SLC44A5: variants seen among roughly 807,000 people sequenced by gnomAD.
SLC44A5 encodes choline transporter-like protein 5.
Under a neutral mutation model 101.8 loss-of-function variants are expected in SLC44A5, and 57 were observed. The ratio of observed to expected loss-of-function variants is 0.56; its 90% CI spans 0.45 to 0.70. The LOEUF is 0.70. Among genes scored for constraint, SLC44A5 ranks in the 30% least tolerant of loss-of-function variants. The probability of loss-of-function intolerance (pLI) is 0.00; values close to 1 mark genes in which losing one functional copy is unlikely to be tolerated. For synonymous variants in SLC44A5, 281 were observed against 290.9 expected (o/e 0.97, Z 0.35); for missense variants, 737 against 853.1 (o/e 0.86, Z 1.70).
At chr1:75,350,730 T>C (rs780931989) in intron 3 of SLC44A5, among the ~76,000 whole-genome samples, 2 of 151,212 alleles carry the variant, frequency 1.3e-5, no homozygotes, top group Non-Finnish European at 3.0e-5. Flanking sequence ...CTGTCTTTAC[T>C]AAAGACACAA....
chr1:75,518,307 A>G (rs933090542), intron 2 of SLC44A5, among the ~76,000 whole-genome samples: 2 of 152,244 alleles, frequency 1.3e-5, no homozygotes, highest in African/African-American at 2.4e-5. Flanking sequence ...TTTTAAGAAT[A>G]CAGTTCCAAT....
chr1:75,385,323 A>G (rs1661233666), intron 3 of SLC44A5, among the ~76,000 whole-genome samples: 1 of 149,272 alleles, frequency 6.7e-6, no homozygotes, highest in Non-Finnish European at 1.5e-5. Context: ...AGACTAATAA[A>G]GAAAAAAAGA....
chr1:75,356,701 C>G (rs569390896), intron 3 of SLC44A5, among the ~76,000 whole-genome samples: 7 of 152,274 alleles, frequency 4.6e-5, no homozygotes, highest in African/African-American at 1.4e-4. Context: ...CACTCACTGA[C>G]TCACTCAAAG....
chr1:75,701,051 G>A, the SLC44A5 span, among the ~76,000 whole-genome samples: 1 of 152,156 alleles, frequency 6.6e-6, no homozygotes, highest in African/African-American at 2.4e-5. Context: ...GGACCAGATG[G>A]ATTCACAGCC....
chr1:75,356,619 C>T (rs1659099700), intron 3 of SLC44A5, among the ~76,000 whole-genome samples: 2 of 151,926 alleles, frequency 1.3e-5, no homozygotes. Context: ...TTAGTGTAAA[C>T]TAAATACACA....
At chr1:75,251,868 G>T (rs1234793874) in intron 6 of SLC44A5, among the ~76,000 whole-genome samples, 1 of 152,182 alleles carries the variant, frequency 6.6e-6, no homozygotes, top group African/African-American at 2.4e-5. Flanking sequence ...GAAGCAGGTT[G>T]ATATTCATTA....
chr1:75,604,715 G>A (rs777784676), intron 1 of SLC44A5, among the ~76,000 whole-genome samples: 1 of 151,570 alleles, frequency 6.6e-6, no homozygotes, highest in Non-Finnish European at 1.5e-5. Flanking sequence ...AGTTTTCTTT[G>A]TAGAGACCTT....
chr1:75,606,408 A>C (rs1675328017), intron 1 of SLC44A5, among the ~76,000 whole-genome samples: 1 of 152,034 alleles, frequency 6.6e-6, no homozygotes, highest in Middle Eastern at 3.2e-3. Flanking sequence ...AAAAGCACCC[A>C]AAATTTAAAA....
intron 7 of SLC44A5, among the ~76,000 whole-genome samples, chr1:75,249,094 A>G (rs1385036542): frequency 6.6e-6 from 1 of 152,094 alleles, no homozygotes; most frequent in Non-Finnish European, 1.5e-5. Flanking sequence ...GGAAAGGTCA[A>G]GGGTTTGCCC....
At chr1:75,297,794 T>C (rs1236158934) in intron 5 of SLC44A5, among the ~76,000 whole-genome samples, 1 of 152,194 alleles carries the variant, frequency 6.6e-6, no homozygotes, top group Non-Finnish European at 1.5e-5. Flanking sequence ...ATTTGATTAC[T>C]TCTACCCAGA....
intron 13 of SLC44A5, among the ~76,000 whole-genome samples, chr1:75,226,590 T>C (rs1042545348): frequency 6.6e-6 from 1 of 152,132 alleles, no homozygotes; most frequent in African/African-American, 2.4e-5. Flanking sequence ...TTCAAATTGA[T>C]GGGAATGGGA....
chr1:75,495,606 C>T (rs1668629332), intron 2 of SLC44A5, among the ~76,000 whole-genome samples: 1 of 151,290 alleles, frequency 6.6e-6, no homozygotes, highest in Non-Finnish European at 1.5e-5. Flanking sequence ...TGAAAAATTT[C>T]AATACAAGGG....
At chr1:75,286,646 C>G (rs1243810061) in intron 5 of SLC44A5, among the ~76,000 whole-genome samples, 2 of 152,078 alleles carry the variant, frequency 1.3e-5, no homozygotes, top group Non-Finnish European at 2.9e-5. Flanking sequence ...CTCCTTTGAG[C>G]AGTTCTTGTC....
At chr1:75,506,907 C>CT (rs61554987) in intron 2 of SLC44A5, among the ~76,000 whole-genome samples, 10,016 of 68,864 alleles carry the variant, frequency 0.15, 1,741 homozygotes, top group Middle Eastern at 0.26. Context: ...TATTCCTATT[C>CT]TTTTTTTTTT....
intron 2 of SLC44A5, among the ~76,000 whole-genome samples, chr1:75,500,858 T>G (rs1017414256): frequency 1.1e-4 from 16 of 152,198 alleles, no homozygotes. Context: ...GAGTCTAGTC[T>G]TGAATGCCAA....
chr1:75,456,880 C>T (rs17096926), intron 2 of SLC44A5, among the ~76,000 whole-genome samples: 35,591 of 152,170 alleles, frequency 0.23, 4,289 homozygotes, highest in African/African-American at 0.26. Flanking sequence ...TAAATAACAT[C>T]TTCTCCAAAT....
chr1:75,412,412 T>G (rs1375418612), intron 2 of SLC44A5, among the ~76,000 whole-genome samples: 1 of 152,114 alleles, frequency 6.6e-6, no homozygotes, highest in Non-Finnish European at 1.5e-5. Context: ...ATCATATCAC[T>G]CTATGCATTG....
chr1:75,219,986 C>T (rs1274964166), intron 14 of SLC44A5, 94 bp from the exon 15 acceptor site: 12 of 676,336 alleles, frequency 1.8e-5, no homozygotes, highest in East Asian at 1.6e-4. Flanking sequence ...TAACCACGGA[C>T]TCTTTTTTGG....
At chr1:75,407,314 C>T (rs1662943876) in intron 2 of SLC44A5, among the ~76,000 whole-genome samples, 1 of 152,080 alleles carries the variant, frequency 6.6e-6, no homozygotes, top group African/African-American at 2.4e-5. Context: ...AATGCCATCC[C>T]CATCAAGCTA....
Sources: allele counts gnomAD v4.1 joint callset (sites outside exome capture counted in the v4.1 genomes callset), GRCh38; gene constraint gnomAD v4.1.1; transcripts MANE v1.5; gene names NCBI Gene and HGNC (gene_info 2026-07-23, HGNC 2026-07-21).